Variants in KCNC2 observed in about 807,000 individuals in gnomAD.
The protein encoded by KCNC2 is potassium voltage-gated channel subfamily C member 2, also known as voltage-gated potassium channel KCNC2.
A neutral mutation model predicts 44.5 loss-of-function variants in KCNC2; 21 were observed. The observed-to-expected ratio is 0.47, with a 90% CI of 0.33 to 0.68. The LOEUF is 0.68. KCNC2 is among the 30% of genes least tolerant of loss of function. The pLI, the probability that KCNC2 is intolerant of heterozygous loss-of-function variation, is 0.01. For missense variants in KCNC2, 589 were observed against 826.2 expected, an observed-to-expected ratio of 0.71 and a Z score of 3.52; for synonymous variants, 391 against 339.1, an observed-to-expected ratio of 1.15 and a Z score of -1.68.
Position 75,050,952 on chromosome 12 carries a change from C to T in KCNC2, c.1053G>A (p.Arg351=), listed in dbSNP as rs1391239777. The change falls in exon 3 of 5, where the codon AGG becomes AGA. Residue 351 remains arginine (R), a synonymous_variant. Coordinates refer to ENST00000549446, the MANE Select transcript of KCNC2 (RefSeq NM_139137.4). ...KDVLGFLRVV[R]FVRILRIFKL... is the part of the protein sequence containing the mutation. ...TGAAAATTCTCAGGATCCTCACAAA[C>T]CTTACCACCCTGAGGAAGCCAAGCA... The T allele has an allele frequency of 3.7e-6, 6 of 1,613,532 alleles. No homozygotes were observed. The highest frequency in any genetic ancestry group is 4.2e-6 in the Non-Finnish European group (5 of 1,179,868).
chr12:75,065,498 G>T (rs1270672795), intron 2 of KCNC2, among the ~76,000 whole-genome samples: 2 of 152,010 alleles, frequency 1.3e-5, no homozygotes, highest in African/African-American at 4.8e-5. Context: ...GTCAATAATG[G>T]ATCGTATATA....
intron 2 of KCNC2, among the ~76,000 whole-genome samples, chr12:75,177,032 T>TTATATATATATATATATATA (rs3073537): frequency 1.4e-3 from 200 of 139,844 alleles, no homozygotes; most frequent in African/African-American, 5.0e-3. Flanking sequence ...GCTGCAAGTT[T>TTATATATATATATATATATA]TATATATATA....
chr12:75,126,238 C>T (rs1888415621), intron 2 of KCNC2, among the ~76,000 whole-genome samples: 1 of 152,104 alleles, frequency 6.6e-6, no homozygotes, highest in Non-Finnish European at 1.5e-5. Flanking sequence ...AACTAATAGT[C>T]AGTTAATGTG....
intron 2 of KCNC2, among the ~76,000 whole-genome samples, chr12:75,203,568 G>T (rs1469244997): frequency 6.6e-6 from 1 of 151,712 alleles, no homozygotes; most frequent in Admixed American, 6.6e-5. Flanking sequence ...CATCAAAAAG[G>T]CAACATCTTA....
chr12:75,106,141 T>C (rs1886764084), intron 2 of KCNC2, among the ~76,000 whole-genome samples: 2 of 152,128 alleles, frequency 1.3e-5, no homozygotes, highest in Admixed American at 6.5e-5. Context: ...CTGTGTCAAA[T>C]GCTGTTGATG....
At chr12:75,044,955 T>C (rs910943501) in intron 4 of KCNC2, among the ~76,000 whole-genome samples, 25 of 151,980 alleles carry the variant, frequency 1.6e-4, no homozygotes, top group African/African-American at 6.0e-4. Context: ...TATTTAAGAA[T>C]TGCAAGTAAT....
chr12:75,130,457 T>A (rs1888755805), intron 2 of KCNC2, among the ~76,000 whole-genome samples: 1 of 152,100 alleles, frequency 6.6e-6, no homozygotes, highest in Admixed American at 6.6e-5. Flanking sequence ...TAGCTCTATA[T>A]AAAATAAACA....
intron 2 of KCNC2, among the ~76,000 whole-genome samples, chr12:75,191,553 T>TTTTC (rs2030260119): frequency 1.7e-5 from 1 of 59,416 alleles, no homozygotes. Flanking sequence ...TTTTTTTTTT[T>TTTTC]TTTTTTTGGA....
At chr12:75,180,977 A>G (rs1892531936) in intron 2 of KCNC2, among the ~76,000 whole-genome samples, 1 of 152,134 alleles carries the variant, frequency 6.6e-6, no homozygotes, top group South Asian at 2.1e-4. Context: ...CACACATAGT[A>G]GAAAGTAGAA....
chr12:75,194,661 G>A (rs2030599769), intron 2 of KCNC2, among the ~76,000 whole-genome samples: 1 of 152,140 alleles, frequency 6.6e-6, no homozygotes, highest in South Asian at 2.1e-4. Context: ...AAAAATATTT[G>A]ATAACTAGAG....
At chr12:75,186,477 G>T (rs1030498641) in intron 2 of KCNC2, among the ~76,000 whole-genome samples, 1 of 151,970 alleles carries the variant, frequency 6.6e-6, no homozygotes, top group African/African-American at 2.4e-5. Flanking sequence ...CTATCATGTG[G>T]ATTGTTATAG....
At chr12:75,106,520 CATT>C (rs1368243115) in intron 2 of KCNC2, among the ~76,000 whole-genome samples, 1 of 152,020 alleles carries the variant, frequency 6.6e-6, no homozygotes, top group Non-Finnish European at 1.5e-5. Context: ...CAAAAGGAGG[CATT>C]ATTACCTTGC....
At chr12:75,166,343 A>T (rs1891449506) in intron 2 of KCNC2, among the ~76,000 whole-genome samples, 1 of 151,170 alleles carries the variant, frequency 6.6e-6, no homozygotes, top group Admixed American at 6.6e-5. Flanking sequence ...GAAGAAATAG[A>T]TAATTCAACA....
intron 2 of KCNC2, among the ~76,000 whole-genome samples, chr12:75,206,748 T>C (rs1260293720): frequency 6.6e-6 from 1 of 152,160 alleles, no homozygotes; most frequent in Non-Finnish European, 1.5e-5. Flanking sequence ...CTTCACAACA[T>C]AAACCTCCAG....
intron 2 of KCNC2, among the ~76,000 whole-genome samples, chr12:75,108,956 G>A (rs1376646868): frequency 1.3e-5 from 2 of 152,156 alleles, no homozygotes; most frequent in African/African-American, 2.4e-5. Flanking sequence ...ATAAGGCTCA[G>A]GGTAAGTTGA....
chr12:75,191,913 A>T (rs2030319938), intron 2 of KCNC2, among the ~76,000 whole-genome samples: 1 of 152,142 alleles, frequency 6.6e-6, no homozygotes, highest in African/African-American at 2.4e-5. Context: ...CTAAAACAAT[A>T]CAGTTTTACC....
chr12:75,106,798 A>G (rs1383168152), intron 2 of KCNC2, among the ~76,000 whole-genome samples: 3 of 152,210 alleles, frequency 2.0e-5, no homozygotes, highest in African/African-American at 4.8e-5. Flanking sequence ...CTATACTACT[A>G]TGGAGAAAGC....
rs1881107505 is a variant in KCNC2, at chr12:75,050,999, A to G, written c.1006T>C (p.Ser336Pro). Residue 336 changes from serine (S) to proline (P), a missense_variant, in exon 3 of 5, where the codon TCA becomes CCA. Ser to Pro is a moderately conservative substitution (Grantham distance 74). Transcript: ENST00000549446. ...FYLEVGLSGL[S>P]SKAAKDVLGF... is the part of the protein sequence containing the mutation. ...AGCACATCTTTAGCAGCTTTGGATG[A>G]CAGCCCACTGAGTCCCACCTCTAAG... 8.7e-6 allele frequency: 14 copies of G among 1,613,874 alleles called. No homozygotes were observed. Among genetic ancestry groups the G allele is most frequent in the Non-Finnish European group, 1.2e-5 (14 of 1,179,864 alleles).
intron 2 of KCNC2, among the ~76,000 whole-genome samples, chr12:75,112,005 TAAC>T (rs145321874): frequency 0.26 from 39,939 of 151,630 alleles, 5,760 homozygotes; most frequent in Middle Eastern, 0.4. Context: ...TCAATAAAAA[TAAC>T]AAATACTCTA....
Sources: allele counts gnomAD v4.1 joint callset (sites outside exome capture counted in the v4.1 genomes callset), GRCh38; gene constraint gnomAD v4.1.1; transcripts MANE v1.5; gene names NCBI Gene and HGNC (gene_info 2026-07-23, HGNC 2026-07-21).